Variants in DGKH observed in about 807,000 individuals in gnomAD.
The protein encoded by DGKH is diacylglycerol kinase eta.
Under a neutral mutation model 159.3 loss-of-function variants are expected in DGKH, and 90 were observed. The ratio of observed to expected loss-of-function variants is 0.57; its 90% confidence interval spans 0.48 to 0.67. DGKH has a LOEUF of 0.67. Ranked by LOEUF, DGKH falls within the 30% of genes least tolerant of loss-of-function variation. The pLI is 0.00. For missense variants in DGKH, 1,181 were observed against 1,506.1 expected, an observed-to-expected ratio of 0.78 and a Z score of 3.57; for synonymous variants, 536 against 553.8, an observed-to-expected ratio of 0.97 and a Z score of 0.45.
At chr13:42,207,695 G>GATATATATATA (rs1957541484) in intron 21 of DGKH, among the ~76,000 whole-genome samples, 1 of 140,278 alleles carries the variant, frequency 7.1e-6, no homozygotes, top group Non-Finnish European at 1.5e-5. Flanking sequence ...ATTAAAGTGT[G>GATATATATATA]TATATATATA....
intron 1 of DGKH, among the ~76,000 whole-genome samples, chr13:42,118,930 T>C (rs1955013500): frequency 6.6e-6 from 1 of 152,216 alleles, no homozygotes; most frequent in Non-Finnish European, 1.5e-5. Context: ...AACAGTACTT[T>C]TAGAACATAA....
At chr13:42,183,791 A>C (rs1956836595) in intron 13 of DGKH, among the ~76,000 whole-genome samples, 1 of 152,244 alleles carries the variant, frequency 6.6e-6, no homozygotes, top group African/African-American at 2.4e-5. Flanking sequence ...ATTAGTAAAA[A>C]TGTAAAACAG....
chr13:42,158,837 T>C (rs539014066), intron 5 of DGKH, among the ~76,000 whole-genome samples: 1 of 152,288 alleles, frequency 6.6e-6, no homozygotes, highest in Non-Finnish European at 1.5e-5. Flanking sequence ...AAAAATACAA[T>C]ACCAGAAATG....
At chr13:42,198,693 T>C in intron 18 of DGKH, 98 bp downstream of exon 18, 2 of 1,044,408 alleles carry the variant, frequency 1.9e-6, no homozygotes, top group Non-Finnish European at 2.8e-6. Context: ...ACAATAAATA[T>C]GGTCCCATGT....
chr13:42,158,992 C>T (rs1034686573), intron 5 of DGKH, among the ~76,000 whole-genome samples: 1 of 152,236 alleles, frequency 6.6e-6, no homozygotes, highest in African/African-American at 2.4e-5. Context: ...TCTGCCTTCT[C>T]AAGCAGTAAT....
chr13:42,139,683 A>C (rs1416253824), intron 3 of DGKH, among the ~76,000 whole-genome samples: 1 of 152,220 alleles, frequency 6.6e-6, no homozygotes, highest in Non-Finnish European at 1.5e-5. Context: ...GAATTCATTC[A>C]TTCATTTATT....
intron 12 of DGKH, among the ~76,000 whole-genome samples, chr13:42,175,009 C>G (rs1416998715): frequency 6.6e-6 from 1 of 152,162 alleles, no homozygotes; most frequent in Non-Finnish European, 1.5e-5. Flanking sequence ...CTGATTAAAC[C>G]TCAAAGCGGT....
chr13:42,131,304 A>G (rs1955285052), intron 3 of DGKH, among the ~76,000 whole-genome samples: 2 of 152,190 alleles, frequency 1.3e-5, no homozygotes, highest in South Asian at 4.1e-4. Context: ...ATGCATTTAT[A>G]TGAAGAGAGG....
chr13:42,099,787 G>A (rs890602340), intron 1 of DGKH, among the ~76,000 whole-genome samples: 2 of 152,166 alleles, frequency 1.3e-5, no homozygotes, highest in Admixed American at 1.3e-4. Context: ...AAATGATAAA[G>A]CAAGATGATG....
intron 1 of DGKH, among the ~76,000 whole-genome samples, chr13:42,104,251 A>G (rs1954705607): frequency 6.6e-6 from 1 of 152,182 alleles, no homozygotes; most frequent in Admixed American, 6.5e-5. Context: ...GGTTCCTCCC[A>G]TGTTGTTGCT....
chr13:42,096,987 G>A (rs1954552210), intron 1 of DGKH, among the ~76,000 whole-genome samples: 1 of 152,172 alleles, frequency 6.6e-6, no homozygotes, highest in East Asian at 1.9e-4. Flanking sequence ...GACCATTGAA[G>A]GCATTGTTCC....
intron 27 of DGKH, 45 bp from the exon 28 acceptor site, chr13:42,219,639 TCC>T: frequency 1.6e-6 from 2 of 1,278,348 alleles, no homozygotes; most frequent in South Asian, 2.6e-5. Context: ...TAGGTTTTTC[TCC>T]TTTTCATATC....
At chr13:42,084,486 G>A (rs1164488765) in intron 1 of DGKH, among the ~76,000 whole-genome samples, 2 of 151,882 alleles carry the variant, frequency 1.3e-5, no homozygotes, top group African/African-American at 4.8e-5. Context: ...ATTCACAATA[G>A]CCTCATTCAT....
chr13:42,200,697 TGTGGACTAAAGAG>T (rs1440447836), intron 20 of DGKH, among the ~76,000 whole-genome samples: 1 of 152,240 alleles, frequency 6.6e-6, no homozygotes, highest in Non-Finnish European at 1.5e-5. Flanking sequence ...AACACTGGAA[TGTGGACTAAAGAG>T]GTGTCTCGCT....
In DGKH at chr13:42,219,260, T is replaced by C; in HGVS notation, c.3244T>C (p.Ser1082Pro). The C allele has an allele frequency of 6.2e-7, 1 of 1,613,934 alleles. No individual in the cohort carries two copies. The highest frequency in any genetic ancestry group is 8.5e-7 in the Non-Finnish European group (1 of 1,179,904). ...GGAATCGCCACATGAAGAGCGAGTATCCAATGCCTTACACTCTGTGGAGGT... is the reference window on the plus strand; with the variant it reads ...GGAATCGCCACATGAAGAGCGAGTACCCAATGCCTTACACTCTGTGGAGGT... Reference protein sequence around the residue: ...QLESPHEERVSNALHSVEVEL... With the variant: ...QLESPHEERVPNALHSVEVEL... The change falls in exon 27 of 30, where the codon TCC becomes CCC. Residue 1082 changes from serine to proline, a missense_variant. Physicochemically the swap from Ser to Pro is moderately conservative, Grantham distance 74. Coordinates refer to ENST00000337343, the MANE Select transcript of DGKH (RefSeq NM_178009.5).
At chr13:42,134,487 T>G (rs777423722) in intron 3 of DGKH, among the ~76,000 whole-genome samples, 24 of 152,222 alleles carry the variant, frequency 1.6e-4, no homozygotes, top group Non-Finnish European at 2.4e-4. Context: ...ACAAACTTAG[T>G]GGCTTAAAAA....
intron 1 of DGKH, among the ~76,000 whole-genome samples, chr13:42,090,475 G>A (rs1188157868): frequency 1.3e-5 from 2 of 152,142 alleles, no homozygotes; most frequent in Non-Finnish European, 2.9e-5. Context: ...AAAGTTGGAT[G>A]TCTCACACTG....
At chr13:42,247,928 A>G (rs2138336025) in intron 29 of DGKH, among the ~76,000 whole-genome samples, 1 of 152,328 alleles carries the variant, frequency 6.6e-6, no homozygotes, top group African/African-American at 2.4e-5. Context: ...AGTTAAAAGA[A>G]GTTTACAAAG....
At chr13:42,220,971 A>G (rs944220179) in intron 28 of DGKH, among the ~76,000 whole-genome samples, 3 of 152,212 alleles carry the variant, frequency 2.0e-5, no homozygotes, top group Non-Finnish European at 2.9e-5. Flanking sequence ...ATGATGTGAA[A>G]TACATTTTGT....
Sources: gnomAD v4.1 joint callset for allele counts (sites outside exome capture counted in the v4.1 genomes callset) on GRCh38, gnomAD v4.1.1 for gene constraint, MANE v1.5 for transcripts, NCBI Gene and HGNC (gene_info 2026-07-23, HGNC 2026-07-21) for gene names.